Variants in DDX23 observed in about 807,000 individuals in gnomAD.
The protein encoded by DDX23 is DEAD-box helicase 23.
DDX23 carries 33 observed loss-of-function variants against 102.7 expected under a neutral mutation model. The ratio of observed to expected loss-of-function variants is 0.32; its 90% CI spans 0.24 to 0.43. The LOEUF is 0.43. DDX23 is among the 20% of genes least tolerant of loss of function. The probability of loss-of-function intolerance (pLI) is 1.00; values close to 1 mark genes in which losing one functional copy is unlikely to be tolerated. For missense variants in DDX23, 549 were observed against 1,086.6 expected, an observed-to-expected ratio of 0.51 and a Z score of 6.96; for synonymous variants, 352 against 376.0, an observed-to-expected ratio of 0.94 and a Z score of 0.74.
intron 8 of DDX23, 74 bp from the exon 9 acceptor site, chr12:48,837,111 T>C: frequency 6.3e-7 from 1 of 1,593,070 alleles, no homozygotes; most frequent in Non-Finnish European, 8.6e-7. Flanking sequence ...AGACTACTAG[T>C]ATGAAACAGT....
rs772311326 is a variant in DDX23 at position 48,845,553 on chromosome 12, TAACA to T, written c.209+17_209+20del. 6 of 1,613,560 alleles carry T rather than the reference TAACA, an allele frequency of 3.7e-6. No homozygotes were observed. In the African/African-American group the frequency reaches 8.0e-5, roughly 22 times the overall value. ...AAACGTACTCTCCCTTCCCATGTAATAACATACAAAGTTACTTTACCTTTCTGCA... is the reference window on the plus strand; with the variant it reads ...AAACGTACTCTCCCTTCCCATGTAATTACAAAGTTACTTTACCTTTCTGCA... On this transcript the variant is annotated intron_variant, in intron 2 of 16. Coordinates refer to ENST00000308025, the MANE Select transcript of DDX23 (RefSeq NM_004818.3).
In DDX23 at chr12:48,832,469, A is replaced by G. The variant is rs762955777; in HGVS notation, c.1908T>C (p.His636=). The change falls in exon 14 of 17, where the codon CAT becomes CAC. Residue 636 remains histidine, a synonymous_variant. Coordinates refer to ENST00000308025, the MANE Select transcript of DDX23 (RefSeq NM_004818.3). This position sits in a 1 kb window ranked among gnomAD's most constrained non-coding sequence, Gnocchi z 4.4. ...GGAAGACCTTCTGTTCCACACGCTC[A>G]TGGGGCTTGCCTGCGGAGCCAATGT... The part of the protein sequence containing the change: ...VVYIGSAGKP[H]ERVEQKVFLM... The G allele has an allele frequency of 6.2e-6, 10 of 1,614,092 alleles. No homozygotes were observed. The highest frequency in any genetic ancestry group is 8.5e-6 in the Non-Finnish European group (10 of 1,180,010).
chr12:48,831,626 G>A (rs923863090), intron 15 of DDX23, among the ~76,000 whole-genome samples: 6 of 152,268 alleles, frequency 3.9e-5, no homozygotes, highest in Non-Finnish European at 7.4e-5. Flanking sequence ...AGGGTAGAAA[G>A]CAGGGATCAA....
At chr12:48,834,718 G>A (rs1477423340) in intron 11 of DDX23, 1 of 427,474 alleles carries the variant, frequency 2.3e-6, no homozygotes, top group Non-Finnish European at 4.2e-6. Flanking sequence ...CGGATCACCT[G>A]AAGTCAGGAG....
At chr12:48,845,535 C>G (rs766857430) in intron 2 of DDX23, 39 bp downstream of exon 2, 1 of 1,606,388 alleles carries the variant, frequency 6.2e-7, no homozygotes, top group South Asian at 1.1e-5. Context: ...CTGAAACGTA[C>G]TCTCCCTTCC....
At chr12:48,845,809 A>C in intron 1 of DDX23, 27 bp from the exon 2 acceptor site, 1 of 1,609,334 alleles carries the variant, frequency 6.2e-7, no homozygotes. Flanking sequence ...GAGTACTTAC[A>C]ATGTACTAGG....
rs921901120 is a variant in DDX23, at chr12:48,833,157, T to A, written c.1803+120A>T. 30 of 1,475,730 alleles carry A rather than the reference T, an allele frequency of 2.0e-5. No individual in the cohort carries two copies. In the African/African-American group the frequency reaches 2.5e-4, roughly 12 times the overall value. The allele number at this position is 1,475,730 out of a possible 1,614,324, so 91.4% of individuals were successfully genotyped here. A position where few individuals can be genotyped will look rare whatever the true frequency, so the allele number is the denominator to read the frequency against. On this transcript the variant is annotated intron_variant, in intron 13 of 16. Coordinates refer to ENST00000308025, the MANE Select transcript of DDX23 (RefSeq NM_004818.3). ...CACCACCAATGCCCAGCTAATTTTTTAAATTTTTGTAGAGACGGAGTTTCG... is the reference window on the plus strand; with the variant it reads ...CACCACCAATGCCCAGCTAATTTTTAAAATTTTTGTAGAGACGGAGTTTCG...
At position 48,839,815 on chromosome 12, in the gene DDX23, C is replaced by A. The variant is rs113881802; in HGVS notation, c.480+29G>T. 41 of 1,611,242 alleles carry A rather than the reference C, an allele frequency of 2.5e-5. 1 individual carries two copies. The highest frequency in any genetic ancestry group is 2.2e-4 in the Admixed American group (13 of 59,682). Reference sequence around the variant, plus strand: ...TGGTATTGTGTTATGGCAGCCTGAGCCGATGAATGAAGACCCTCAAGTACT... The same window carrying A: ...TGGTATTGTGTTATGGCAGCCTGAGACGATGAATGAAGACCCTCAAGTACT... On this transcript the variant is annotated intron_variant, in intron 5 of 16. Coordinates refer to ENST00000308025, the MANE Select transcript of DDX23 (RefSeq NM_004818.3).
At chr12:48,842,795 T>G (rs1407666748) in intron 3 of DDX23, among the ~76,000 whole-genome samples, 1 of 151,784 alleles carries the variant, frequency 6.6e-6, no homozygotes, top group Non-Finnish European at 1.5e-5. Context: ...GTCTGGGAGG[T>G]GTACTCAACA....
At chr12:48,842,049 T>C (rs1400899707) in intron 3 of DDX23, among the ~76,000 whole-genome samples, 2 of 148,670 alleles carry the variant, frequency 1.3e-5, no homozygotes, top group Non-Finnish European at 3.0e-5. Flanking sequence ...GTCTGAGAAG[T>C]GAGGAGCCCC....
chr12:48,840,550 A>G lies in DDX23; in HGVS notation c.321-444T>C, dbSNP rs562536922. 3.0e-5 allele frequency among the ~76,000 whole-genome samples: 4 copies of G among 131,930 alleles called. No homozygotes were observed. The South Asian group carries it at 9.8e-4, about 32-fold the overall frequency. The allele number at this position is 131,930 out of a possible 152,430, so 86.6% of individuals were successfully genotyped here. ...GCCAGGTGTGGTTGTTTAGAGAAAA[A>G]TTTTTTTTTTTTTTTTTTTTGAGAC... On this transcript the variant is annotated intron_variant, in intron 3 of 16. Coordinates refer to ENST00000308025, the MANE Select transcript of DDX23 (RefSeq NM_004818.3).
rs1455091765 is a variant in DDX23 at position 48,837,121 on chromosome 12, T to C, written c.867-84A>G. The C allele has an allele frequency of 5.7e-5, 90 of 1,584,718 alleles. No individual in the cohort carries two copies. The Admixed American group carries it at 1.5e-3, about 26-fold the overall frequency. On this transcript the variant is annotated intron_variant, in intron 8 of 16. Transcript: ENST00000308025. The stretch of plus-strand genomic sequence containing the variant: ...AGGGCAGACTACTAGTATGAAACAG[T>C]TCTTCCCAGACAGGGTCTTTCTTCC...
chr12:48,833,894 A>T (rs1938427291), intron 12 of DDX23, among the ~76,000 whole-genome samples: 1 of 152,214 alleles, frequency 6.6e-6, no homozygotes, highest in Non-Finnish European at 1.5e-5. Flanking sequence ...TAAAAAGACT[A>T]AATTTCTACA....
chr12:48,836,551 C>T lies in DDX23; in HGVS notation c.1236+18G>A. On this transcript the variant is annotated intron_variant, in intron 10 of 16. Transcript: ENST00000308025. This position sits in a 1 kb window ranked among gnomAD's most constrained non-coding sequence, Gnocchi z 6.1. ...TAGGAACATGTCAGATCTCTTGGGC[C>T]AATCTATCCCTCCTTACCTTGTAGC... The T allele has an allele frequency of 1.2e-6, 2 of 1,607,918 alleles. No homozygotes were observed. The highest frequency in any genetic ancestry group is 1.7e-6 in the Non-Finnish European group (2 of 1,175,950).
chr12:48,848,702 G>A (rs1330774342), intron 1 of DDX23, among the ~76,000 whole-genome samples: 2 of 151,820 alleles, frequency 1.3e-5, no homozygotes, highest in African/African-American at 4.8e-5. Flanking sequence ...CTCCTGCCTA[G>A]GCCTCCCAAG....
At chr12:48,851,565 G>C (rs1393682932) in intron 1 of DDX23, among the ~76,000 whole-genome samples, 1 of 152,238 alleles carries the variant, frequency 6.6e-6, no homozygotes, top group Non-Finnish European at 1.5e-5. Flanking sequence ...TAGTAATACA[G>C]GTGTTCAAAG....
At chr12:48,833,760 C>A (rs1035893449) in intron 12 of DDX23, among the ~76,000 whole-genome samples, 1 of 151,832 alleles carries the variant, frequency 6.6e-6, no homozygotes, top group Non-Finnish European at 1.5e-5. Flanking sequence ...GAGGCAAAAT[C>A]AGTAGAAACT....
chr12:48,838,366 C>T (rs1417874266), intron 5 of DDX23, among the ~76,000 whole-genome samples: 1 of 152,124 alleles, frequency 6.6e-6, no homozygotes, highest in Non-Finnish European at 1.5e-5. Context: ...GCCTGGGCAA[C>T]ATAGCAGACC....
intron 2 of DDX23, 27 bp from the exon 3 acceptor site, chr12:48,844,077 A>G (rs767826082): frequency 1.2e-5 from 19 of 1,610,538 alleles, no homozygotes; most frequent in Non-Finnish European, 1.5e-5. Flanking sequence ...TTAAGAGTTC[A>G]CTTGGTATTT....
Sources: allele counts gnomAD v4.1 joint callset (sites outside exome capture counted in the v4.1 genomes callset), GRCh38; gene constraint gnomAD v4.1.1; non-coding constraint Gnocchi (gnomAD v3.1); transcripts MANE v1.5; gene names NCBI Gene and HGNC (gene_info 2026-07-23, HGNC 2026-07-21).